DIS3: variants seen among roughly 807,000 people sequenced by gnomAD.
DIS3 encodes the protein exosome complex exonuclease RRP44.
A neutral mutation model predicts 113.0 loss-of-function variants in DIS3; 103 were observed. The observed-to-expected ratio is 0.91, with a 90% CI of 0.78 to 1.07. The LOEUF (loss-of-function observed/expected upper bound fraction) is 1.07, where lower values mean the gene tolerates loss of function less well. Among genes scored for constraint, DIS3 ranks in the 50% least tolerant of loss-of-function variants. DIS3 has a pLI of 0.00. For missense variants in DIS3, 1,121 were observed against 1,167.1 expected (o/e 0.96, Z 0.58); for synonymous variants, 402 against 394.3 (o/e 1.02, Z -0.23).
rs868237523 is a variant in DIS3, at chr13:72,776,028, C to A, written c.719G>T (p.Gly240Val). 6.2e-6 allele frequency: 10 copies of A among 1,609,194 alleles called. No homozygotes were observed. The highest frequency in any genetic ancestry group is 3.3e-4 in the Middle Eastern group (2 of 6,070). ...TTGAAGGTATGTACCAGATTTTATG[C>A]CTTGCTGTAGCTTACTTAAGGGAAG... ...EHLPLSKLQQ[G>V]IKSGTYLQGT... Residue 240 changes from glycine (G) to valine (V), a missense_variant, in exon 5 of 21, where the codon GGC (glycine) becomes GTC (valine). Transcript: ENST00000377767.
chr13:72,760,478 A>C (rs756618632), intron 20 of DIS3, 51 bp downstream of exon 20: 1 of 1,610,014 alleles, frequency 6.2e-7, no homozygotes, highest in African/African-American at 1.3e-5. Context: ...CTTTGACAAA[A>C]TATGTACTGT....
chr13:72,779,957 AT>A (rs2034114858), intron 2 of DIS3, among the ~76,000 whole-genome samples: 1 of 152,194 alleles, frequency 6.6e-6, no homozygotes, highest in Admixed American at 6.5e-5. Flanking sequence ...TTTATGTAAT[AT>A]AACGTAATAG....
chr13:72,761,733 G>A lies in DIS3; in HGVS notation c.2424C>T (p.His808=), dbSNP rs2033629865. 1 of 1,613,854 alleles carries A rather than the reference G, an allele frequency of 6.2e-7. No homozygotes were observed. The highest frequency in any genetic ancestry group is 8.5e-7 in the Non-Finnish European group (1 of 1,179,980). ...GATTTTTACATATATCTGCAAGCTTGTGTTTGTCTGTCAACTCTGGATAAG... is the reference window on the plus strand; with the variant it reads ...GATTTTTACATATATCTGCAAGCTTATGTTTGTCTGTCAACTCTGGATAAG... ...DCTYPELTDK[H]KLADICKNLN... is the part of the protein sequence containing the mutation. The change falls in exon 18 of 21, where the codon CAC becomes CAT. Residue 808 remains histidine (H), a synonymous_variant. Coordinates refer to ENST00000377767, the MANE Select transcript of DIS3 (RefSeq NM_014953.5).
In DIS3 at chr13:72,778,386, T is replaced by A. The variant is rs138826918; in HGVS notation, c.387-6A>T. On this transcript the variant is annotated splice_region_variant and splice_polypyrimidine_tract_variant and intron_variant, in intron 2 of 20. Transcript: ENST00000377767. ...CTTGTTCTACATAGGTTTCTCTAAA[T>A]GGAAAGAAAAAACGAAATAAAAGGA... The A allele has an allele frequency of 6.5e-7, 1 of 1,534,326 alleles. No individual in the cohort carries two copies. The highest frequency in any genetic ancestry group is 1.8e-5 in the Admixed American group (1 of 54,746).
At chr13:72,760,699 G>A in intron 19 of DIS3, 48 bp from the exon 20 acceptor site, 1 of 1,593,824 alleles carries the variant, frequency 6.3e-7, no homozygotes. Flanking sequence ...TTACATTTGA[G>A]GCTTTGTTCT....
At chr13:72,764,087 G>T (rs1006288548) in intron 15 of DIS3, among the ~76,000 whole-genome samples, 1 of 152,124 alleles carries the variant, frequency 6.6e-6, no homozygotes, top group African/African-American at 2.4e-5. Flanking sequence ...GGGAGGTGGA[G>T]GTTGCAGTGA....
intron 19 of DIS3, 130 bp from the exon 20 acceptor site, chr13:72,760,781 TAACAAAGGCC>T: frequency 7.2e-6 from 8 of 1,105,926 alleles, no homozygotes; most frequent in Non-Finnish European, 9.9e-6. Context: ...GTGTTCAACA[TAACAAAGGCC>T]ACAAACCTAG....
Position 72,781,678 on chromosome 13 carries a change from G to C in DIS3, c.155C>G (p.Pro52Arg). 1 of 1,552,294 alleles carries C rather than the reference G, an allele frequency of 6.4e-7. No homozygotes were observed. The highest frequency in any genetic ancestry group is 1.4e-5 in the African/African-American group (1 of 73,354). Residue 52 changes from proline to arginine, a missense_variant, in exon 1 of 21, where the codon CCC (proline) becomes CGC (arginine). Physicochemically the swap from Pro to Arg is moderately radical, Grantham distance 103 (BLOSUM62 -2). Around this residue, in one of 3 missense-constraint regions of DIS3, gnomAD observed 254 missense variants for 232.2 expected, o/e 1.09. Coordinates refer to ENST00000377767, the MANE Select transcript of DIS3 (RefSeq NM_014953.5). ...AHEGPALEPQPQDPASSVCPQ... is the reference protein window; with the variant it reads ...AHEGPALEPQRQDPASSVCPQ... ...GCAGACGCTGCTCGCCGGGTCCTGG[G>C]GCTGCGGCTCCAGGGCCGGCCCCTC...
At chr13:72,765,067 T>C (rs1254511258) in intron 15 of DIS3, among the ~76,000 whole-genome samples, 4 of 152,146 alleles carry the variant, frequency 2.6e-5, no homozygotes, top group Non-Finnish European at 5.9e-5. Flanking sequence ...CATATGCATG[T>C]TGAATTCCAA....
In DIS3 at chr13:72,754,510, T is replaced by C. The variant is rs2138119032; in HGVS notation, c.*5285A>G. 1 of 152,028 alleles carries C rather than the reference T, an allele frequency of 6.6e-6. No individual in the cohort carries two copies. The highest frequency in any genetic ancestry group is 1.5e-5 in the Non-Finnish European group (1 of 68,020). 9.4% of individuals were successfully genotyped at this position (152,028 alleles called of 1,614,324 possible). A position where few individuals can be genotyped will look rare whatever the true frequency, so the allele number is the denominator to read the frequency against. ...AGTTTCTTATAAAATACTATAAATA[T>C]CAGCAAATGTGCAACAAATGTTTAA... On this transcript the variant is annotated 3_prime_UTR_variant, in exon 21 of 21. Transcript: ENST00000377767.
At position 72,778,386 on chromosome 13, in the gene DIS3, T is replaced by C. The variant is rs138826918; in HGVS notation, c.387-6A>G. 190 of 1,534,330 alleles carry C rather than the reference T, an allele frequency of 1.2e-4. No homozygotes were observed. In the African/African-American group the frequency reaches 2.1e-3, roughly 17 times the overall value. On this transcript the variant is annotated splice_region_variant and splice_polypyrimidine_tract_variant and intron_variant, in intron 2 of 20. Transcript: ENST00000377767. ...CTTGTTCTACATAGGTTTCTCTAAA[T>C]GGAAAGAAAAAACGAAATAAAAGGA...
At chr13:72,779,792 T>A (rs995415688) in intron 2 of DIS3, among the ~76,000 whole-genome samples, 1 of 151,754 alleles carries the variant, frequency 6.6e-6, no homozygotes, top group South Asian at 2.1e-4. Flanking sequence ...GGGGTGGTGA[T>A]CCTGCCAAAT....
intron 16 of DIS3, 137 bp downstream of exon 16, chr13:72,763,314 C>A: frequency 8.6e-7 from 1 of 1,158,868 alleles, no homozygotes; most frequent in Non-Finnish European, 1.2e-6. Context: ...AAAAAAAAAC[C>A]AAAAGAAAAA....
chr13:72,756,323 G>A lies in DIS3; in HGVS notation c.*3472C>T, dbSNP rs191181409. On this transcript the variant is annotated 3_prime_UTR_variant, in exon 21 of 21. Transcript: ENST00000377767. ...AACCATGAACACTAATAGCCATTAG[G>A]GGACATGGCTACAGATACTACATTG... The A allele has an allele frequency of 1.7e-4, 29 of 169,992 alleles. No homozygotes were observed. The South Asian group carries it at 2.8e-3, about 17-fold the overall frequency. 10.5% of individuals were successfully genotyped at this position (169,992 alleles called of 1,614,324 possible).
intron 16 of DIS3, among the ~76,000 whole-genome samples, chr13:72,762,891 T>C (rs79556796): frequency 4.6e-5 from 7 of 151,818 alleles, no homozygotes; most frequent in South Asian, 2.1e-4. Flanking sequence ...TGAAGCAACA[T>C]AGACATATGA....
intron 14 of DIS3, among the ~76,000 whole-genome samples, chr13:72,767,240 A>C (rs1404227200): frequency 6.6e-6 from 1 of 152,156 alleles, no homozygotes; most frequent in African/African-American, 2.4e-5. Flanking sequence ...CCATCTACTT[A>C]CCAAATTAAA....
In DIS3 at chr13:72,760,552, G is replaced by A. The variant is rs575285131; in HGVS notation, c.2770C>T (p.Arg924Ter). ...ACCTGTGGTTCTACCAGGGACATTC[G>A]GATCTTCTGATGTTGAAGATTAGAT... ...DSSNLQHQKI[R>*]MSLVEPQIPG... Residue 924 changes from arginine (R) to a stop codon, truncating the protein, a stop_gained, in exon 20 of 21, where the codon CGA becomes TGA. Coordinates refer to ENST00000377767, the MANE Select transcript of DIS3 (RefSeq NM_014953.5). LOFTEE classifies it high-confidence loss of function. 25 of 1,613,308 alleles carry A rather than the reference G, an allele frequency of 1.5e-5. No individual in the cohort carries two copies. The highest frequency in any genetic ancestry group is 1.7e-5 in the Admixed American group (1 of 59,978).
chr13:72,759,921 T>G, intron 20 of DIS3, 43 bp from the exon 21 acceptor site: 1 of 1,489,548 alleles, frequency 6.7e-7, no homozygotes, highest in South Asian at 1.2e-5. Context: ...ATTTAAAGGA[T>G]AGAATACATC....
At chr13:72,777,376 C>G in intron 4 of DIS3, 44 bp downstream of exon 4, 2 of 1,578,136 alleles carry the variant, frequency 1.3e-6, no homozygotes, top group Non-Finnish European at 8.7e-7. Flanking sequence ...TCCAAAGTGG[C>G]TATTTTAATA....
Sources: gnomAD v4.1 joint callset for allele counts (sites outside exome capture counted in the v4.1 genomes callset) on GRCh38, gnomAD v4.1.1 for gene constraint, gnomAD v4.1.1 regional missense constraint, MANE v1.5 for transcripts, NCBI Gene and HGNC (gene_info 2026-07-23, HGNC 2026-07-21) for gene names.